TIMD4: variants seen among roughly 807,000 people sequenced by gnomAD.
TIMD4 encodes T cell immunoglobulin and mucin domain containing 4, also known as T-cell immunoglobulin and mucin domain-containing protein 4.
TIMD4 carries 31 observed loss-of-function variants against 41.2 expected under a neutral mutation model. The ratio of observed to expected loss-of-function variants is 0.75; its 90% confidence interval spans 0.57 to 1.01. The LOEUF (loss-of-function observed/expected upper bound fraction) is 1.01. Among genes scored for constraint, TIMD4 ranks in the 50% least tolerant of loss-of-function variants. The pLI is 0.00. For synonymous variants in TIMD4, 204 were observed against 177.1 expected (o/e 1.15, Z -1.21); for missense variants, 479 against 472.5 (o/e 1.01, Z -0.13).
intron 1 of TIMD4, among the ~76,000 whole-genome samples, chr5:156,955,738 C>T (rs569862664): frequency 5.6e-4 from 85 of 152,016 alleles, no homozygotes; most frequent in African/African-American, 2.0e-3. Flanking sequence ...TATTCCATTT[C>T]CTTCTCTCCT....
intron 5 of TIMD4, among the ~76,000 whole-genome samples, chr5:156,946,293 G>T (rs1189549586): frequency 6.6e-6 from 1 of 151,968 alleles, no homozygotes; most frequent in Non-Finnish European, 1.5e-5. Flanking sequence ...TGGATCTTTG[G>T]CACCCCATTT....
At chr5:156,923,519 G>C (rs1759290169) in intron 6 of TIMD4, among the ~76,000 whole-genome samples, 1 of 151,346 alleles carries the variant, frequency 6.6e-6, no homozygotes, top group Non-Finnish European at 1.5e-5. Context: ...CAAAAACCAA[G>C]TCTCAGTTTT....
chr5:156,957,033 C>CA (rs921597729), intron 1 of TIMD4, among the ~76,000 whole-genome samples: 1 of 139,858 alleles, frequency 7.2e-6, no homozygotes, highest in African/African-American at 2.6e-5. Flanking sequence ...TCACAGTTGG[C>CA]TTTTTTTTTT....
intron 5 of TIMD4, among the ~76,000 whole-genome samples, chr5:156,940,433 G>C (rs909834496): frequency 9.9e-5 from 15 of 151,856 alleles, no homozygotes; most frequent in Non-Finnish European, 1.8e-4. Flanking sequence ...TGGGATGTGA[G>C]GAGCCCCTCT....
intron 4 of TIMD4, among the ~76,000 whole-genome samples, chr5:156,949,317 T>G (rs1759806694): frequency 1.3e-5 from 2 of 152,208 alleles, no homozygotes. Flanking sequence ...GACAGCTAAG[T>G]GCTACTTAGC....
At chr5:156,926,596 T>G (rs1000580815) in intron 5 of TIMD4, among the ~76,000 whole-genome samples, 5 of 152,226 alleles carry the variant, frequency 3.3e-5, no homozygotes, top group Non-Finnish European at 5.9e-5. Context: ...TCTGTAGGCT[T>G]CAGCAATTCA....
intron 5 of TIMD4, among the ~76,000 whole-genome samples, chr5:156,944,817 G>A (rs368810964): frequency 7.1e-4 from 108 of 152,014 alleles, no homozygotes; most frequent in African/African-American, 2.4e-3. Flanking sequence ...CCAAAGTGCT[G>A]GGATTACAGG....
At chr5:156,939,256 T>A (rs1759597119) in intron 5 of TIMD4, among the ~76,000 whole-genome samples, 1 of 152,234 alleles carries the variant, frequency 6.6e-6, no homozygotes, top group Non-Finnish European at 1.5e-5. Context: ...TTCTCCTTTA[T>A]CGTGGACCTT....
chr5:156,944,121 G>A (rs1243632280), intron 5 of TIMD4, among the ~76,000 whole-genome samples: 6 of 152,010 alleles, frequency 3.9e-5, no homozygotes, highest in Admixed American at 3.9e-4. Context: ...TATGATCAGA[G>A]TTCCTAGGTA....
rs2113337553 is a variant in TIMD4, at chr5:156,922,017, G to A, written c.1012+82C>T. ...GAGCCTCTTTGGGGAGGGATAAAGG[G>A]GAAGGAAGTGGAGACAACTCCAGAT... is the stretch of plus-strand genomic sequence containing the variant. On this transcript the variant is annotated intron_variant, in intron 7 of 8. Coordinates refer to ENST00000274532, the MANE Select transcript of TIMD4 (RefSeq NM_138379.3). The A allele has an allele frequency of 2.3e-5, 24 of 1,063,116 alleles. No homozygotes were observed. The South Asian group carries it at 3.5e-4, about 16-fold the overall frequency. The allele number at this position is 1,063,116 out of a possible 1,614,324, so 65.9% of individuals were successfully genotyped here. A position where few individuals can be genotyped will look rare whatever the true frequency, so the allele number is the denominator to read the frequency against.
chr5:156,919,511 GA>G lies in TIMD4; in HGVS notation c.1082del (p.Val361AlafsTer25), dbSNP rs985377531. The G allele has an allele frequency of 6.2e-7, 1 of 1,613,894 alleles. No individual in the cohort carries two copies. The highest frequency in any genetic ancestry group is 1.3e-5 in the African/African-American group (1 of 74,906). Reference protein sequence around the residue: ...RLDYIGDSKNVLNDVQHGRED... With the variant: ...RLDYIGDSKNXLNDVQHGRED... The stretch of plus-strand genomic sequence containing the variant: ...CCCTTCCATGCTGCACGTCATTGAG[GA>G]CATTTTTACTATCTCCAATGTAGTC... On this transcript the variant is annotated frameshift_variant, in exon 9 of 9. Transcript: ENST00000274532. LOFTEE classifies it low-confidence loss of function (END_TRUNC).
Position 156,951,541 on chromosome 5 carries a change from G to A in TIMD4, c.650C>T (p.Pro217Leu). The change falls in exon 3 of 9, where the codon CCT becomes CTT. Residue 217 changes from proline to leucine, a missense_variant. Pro to Leu is a moderately conservative substitution (Grantham distance 98, BLOSUM62 -3). Transcript: ENST00000274532. ...AGTGAGGATGGGCCCTTCCTTAGAA[G>A]GCTCGGGAGTCAGAAGACCTGTGGC... ...EEATGLLTPE[P>L]SKEGPILTAE... The A allele has an allele frequency of 1.9e-6, 3 of 1,614,204 alleles. No homozygotes were observed. The South Asian group carries it at 3.3e-5, about 18-fold the overall frequency.
intron 5 of TIMD4, among the ~76,000 whole-genome samples, chr5:156,947,825 G>A (rs368393932): frequency 1.2e-4 from 18 of 152,308 alleles, no homozygotes; most frequent in African/African-American, 4.3e-4. Flanking sequence ...ATGGCAGGGG[G>A]CTGGGATTGA....
chr5:156,924,319 G>T, intron 6 of TIMD4: 1 of 346,554 alleles, frequency 2.9e-6, no homozygotes, highest in South Asian at 2.6e-5. Flanking sequence ...TCTCAGCTTT[G>T]ACATTATCAA....
intron 5 of TIMD4, among the ~76,000 whole-genome samples, chr5:156,931,680 G>A (rs1759446676): frequency 6.6e-6 from 1 of 152,172 alleles, no homozygotes; most frequent in South Asian, 2.1e-4. Flanking sequence ...TTGAGTTCTT[G>A]GTAGGCATGG....
intron 6 of TIMD4, among the ~76,000 whole-genome samples, chr5:156,925,437 G>A (rs765382379): frequency 1.3e-5 from 2 of 152,200 alleles, no homozygotes; most frequent in Non-Finnish European, 2.9e-5. Context: ...CAGAATCCCA[G>A]AGACAGTGGG....
At chr5:156,957,275 A>G (rs907590087) in intron 1 of TIMD4, among the ~76,000 whole-genome samples, 2 of 152,128 alleles carry the variant, frequency 1.3e-5, no homozygotes, top group Admixed American at 1.3e-4. Flanking sequence ...GCACTTTAGG[A>G]GGCAGAGGCT....
At chr5:156,920,595 G>T in intron 7 of TIMD4, 92 bp from the exon 8 acceptor site, 1 of 1,321,120 alleles carries the variant, frequency 7.6e-7, no homozygotes, top group Non-Finnish European at 1.1e-6. Flanking sequence ...CCCGCAAAGA[G>T]CAGATATGGG....
chr5:156,921,582 G>GCAC (rs1453153753), intron 7 of TIMD4, among the ~76,000 whole-genome samples: 1 of 126,474 alleles, frequency 7.9e-6, no homozygotes, highest in Non-Finnish European at 1.5e-5. Flanking sequence ...TCACGCCACT[G>GCAC]CACTCCAGCC....
Sources: allele counts gnomAD v4.1 joint callset (sites outside exome capture counted in the v4.1 genomes callset), GRCh38; gene constraint gnomAD v4.1.1; transcripts MANE v1.5; gene names NCBI Gene and HGNC (gene_info 2026-07-23, HGNC 2026-07-21).